Variants in SHISA6 observed in about 807,000 individuals in gnomAD.
SHISA6 encodes the protein shisa family member 6.
Under a neutral mutation model 47.9 loss-of-function variants are expected in SHISA6, and 22 were observed. That is an observed-to-expected ratio of 0.46 (90% CI 0.33 to 0.66). The LOEUF (loss-of-function observed/expected upper bound fraction) is 0.66, where lower values mean the gene tolerates loss of function less well. Among genes scored for constraint, SHISA6 ranks in the 30% least tolerant of loss-of-function variants. The probability of loss-of-function intolerance (pLI) is 0.02; values close to 1 mark genes in which losing one functional copy is unlikely to be tolerated. For missense variants in SHISA6, 680 were observed against 764.6 expected (o/e 0.89, Z 1.30); for synonymous variants, 388 against 337.8 (o/e 1.15, Z -1.63).
At chr17:11,501,513 G>T (rs2071452820) in intron 3 of SHISA6, among the ~76,000 whole-genome samples, 1 of 152,118 alleles carries the variant, frequency 6.6e-6, no homozygotes, top group African/African-American at 2.4e-5. Context: ...AATTAAGGAG[G>T]TTTTTTTAGT....
chr17:11,369,987 C>A (rs1305772463), intron 2 of SHISA6, among the ~76,000 whole-genome samples: 1 of 152,198 alleles, frequency 6.6e-6, no homozygotes, highest in Non-Finnish European at 1.5e-5. Context: ...ACAGTCAACA[C>A]CTCCATGACC....
At chr17:11,376,012 T>A (rs568624035) in intron 2 of SHISA6, among the ~76,000 whole-genome samples, 1 of 152,260 alleles carries the variant, frequency 6.6e-6, no homozygotes, top group East Asian at 1.9e-4. Context: ...TGCTTATGCT[T>A]CACGGAACTT....
chr17:11,381,136 G>T (rs1301468727), intron 3 of SHISA6, among the ~76,000 whole-genome samples: 1 of 152,178 alleles, frequency 6.6e-6, no homozygotes, highest in Non-Finnish European at 1.5e-5. Context: ...TGGAGCAGAG[G>T]TGGAAATATG....
intron 2 of SHISA6, among the ~76,000 whole-genome samples, chr17:11,347,510 A>G (rs778406364): frequency 1.1e-4 from 16 of 152,208 alleles, no homozygotes; most frequent in South Asian, 2.1e-4. Flanking sequence ...TTTCACATGT[A>G]TTATCTTATT....
chr17:11,297,522 C>T (rs773989911), intron 2 of SHISA6, among the ~76,000 whole-genome samples: 8 of 152,050 alleles, frequency 5.3e-5, no homozygotes, highest in East Asian at 1.9e-4. Flanking sequence ...AGGATGGAAG[C>T]GAGGGCAACA....
chr17:11,313,544 C>G (rs34970193), intron 2 of SHISA6, among the ~76,000 whole-genome samples: 49,557 of 152,028 alleles, frequency 0.33, 9,769 homozygotes, highest in Middle Eastern at 0.5. Flanking sequence ...TGGAAGCAAA[C>G]TATGAAGGTG....
At chr17:11,266,888 G>A (rs529021859) in intron 2 of SHISA6, among the ~76,000 whole-genome samples, 1 of 152,272 alleles carries the variant, frequency 6.6e-6, no homozygotes, top group East Asian at 1.9e-4. Flanking sequence ...GCTTGGTCAG[G>A]GTTTTGGACA....
chr17:11,526,935 ATT>A (rs1336494289), intron 3 of SHISA6, among the ~76,000 whole-genome samples: 15 of 50,364 alleles, frequency 3.0e-4, no homozygotes, highest in African/African-American at 1.1e-3. Flanking sequence ...ATATATATAT[ATT>A]ATAATGATCA....
intron 3 of SHISA6, among the ~76,000 whole-genome samples, chr17:11,450,987 T>C (rs931491102): frequency 1.7e-5 from 2 of 118,294 alleles, no homozygotes; most frequent in African/African-American, 6.8e-5. Context: ...GGAGGGAAAA[T>C]AGAAAATTAA....
At chr17:11,384,483 A>G (rs752710719) in intron 3 of SHISA6, among the ~76,000 whole-genome samples, 2 of 152,232 alleles carry the variant, frequency 1.3e-5, no homozygotes, top group Non-Finnish European at 2.9e-5. Flanking sequence ...TGGAAACCCT[A>G]TTCGACTTTG....
intron 3 of SHISA6, among the ~76,000 whole-genome samples, chr17:11,440,882 A>T (rs1023747384): frequency 1.5e-4 from 23 of 151,724 alleles, no homozygotes; most frequent in Non-Finnish European, 3.1e-4. Context: ...CCATTGAGAG[A>T]TGGGAGAGAG....
Position 11,263,467 on chromosome 17 carries a change from C to A in SHISA6, c.740C>A (p.Pro247Gln), listed in dbSNP as rs565776708. 1 of 1,551,728 alleles carries A rather than the reference C, an allele frequency of 6.4e-7. No homozygotes were observed. The highest frequency in any genetic ancestry group is 8.7e-7 in the Non-Finnish European group (1 of 1,147,018). The part of the protein sequence containing the change: ...AIDTSPKENT[P>Q]VRSSSKNHYT... The stretch of plus-strand genomic sequence containing the variant: ...GATACCTCTCCCAAAGAGAACACGC[C>A]GGTCAGATCGTCCTCCAAAAACCAC... The change falls in exon 2 of 6, where the codon CCG becomes CAG. Residue 247 changes from proline to glutamine, a missense_variant. Physicochemically the swap from Pro to Gln is moderately conservative, Grantham distance 76. Around this residue, in one of 2 missense-constraint regions of SHISA6, gnomAD observed 559 missense variants for 674.1 expected, o/e 0.83. Transcript: ENST00000441885.
intron 2 of SHISA6, among the ~76,000 whole-genome samples, chr17:11,293,417 C>T (rs184850443): frequency 1.6e-4 from 24 of 152,250 alleles, no homozygotes; most frequent in Admixed American, 1.1e-3. Flanking sequence ...TCCAGAGATT[C>T]GGCAGTGCCC....
intron 4 of SHISA6, among the ~76,000 whole-genome samples, chr17:11,553,482 C>T (rs1055251679): frequency 5.3e-5 from 8 of 152,102 alleles, no homozygotes; most frequent in African/African-American, 1.9e-4. Context: ...TTCTTTTTTC[C>T]AACTGGTGCA....
At chr17:11,291,668 A>G (rs1245194601) in intron 2 of SHISA6, among the ~76,000 whole-genome samples, 1 of 152,114 alleles carries the variant, frequency 6.6e-6, no homozygotes, top group East Asian at 1.9e-4. Flanking sequence ...ACAAAGCACC[A>G]TGGATTTATT....
chr17:11,271,092 G>A (rs1403426245), intron 2 of SHISA6, among the ~76,000 whole-genome samples: 1 of 152,156 alleles, frequency 6.6e-6, no homozygotes, highest in Non-Finnish European at 1.5e-5. Flanking sequence ...CTGTCAGGGA[G>A]AGAAGAGGCG....
Position 11,470,174 on chromosome 17 carries a change from G to C in SHISA6, c.896-81722G>C, listed in dbSNP as rs1298311396. On this transcript the variant is annotated intron_variant, in intron 3 of 5. Transcript: ENST00000441885. ...TGGGGGAATAAATATCTGTTGTTTA[G>C]GCCTCCAGTCTGTGGTAGTTTATTA... 2.0e-5 allele frequency among the ~76,000 whole-genome samples: 3 copies of C among 152,248 alleles called. No homozygotes were observed. In the East Asian group the frequency reaches 5.8e-4, roughly 29 times the overall value.
At chr17:11,267,692 C>T (rs999063766) in intron 2 of SHISA6, among the ~76,000 whole-genome samples, 5 of 152,228 alleles carry the variant, frequency 3.3e-5, no homozygotes, top group South Asian at 4.1e-4. Flanking sequence ...AATGTAGGTT[C>T]ACATCAAGAT....
At chr17:11,277,275 C>CTA (rs1908946007) in intron 2 of SHISA6, among the ~76,000 whole-genome samples, 6 of 80,198 alleles carry the variant, frequency 7.5e-5, no homozygotes, top group Admixed American at 1.7e-4. Flanking sequence ...CTCTCTCTCT[C>CTA]TCTCTCACAC....
Sources: gnomAD v4.1 joint callset for allele counts (sites outside exome capture counted in the v4.1 genomes callset) on GRCh38, gnomAD v4.1.1 for gene constraint, gnomAD v4.1.1 regional missense constraint, MANE v1.5 for transcripts, NCBI Gene and HGNC (gene_info 2026-07-23, HGNC 2026-07-21) for gene names.